RAB11FIP3: variants seen among roughly 807,000 people sequenced by gnomAD.
RAB11FIP3 encodes the protein rab11 family-interacting protein 3.
RAB11FIP3 carries 17 observed loss-of-function variants against 77.8 expected under a neutral mutation model. That is an observed-to-expected ratio of 0.22 (90% CI 0.15 to 0.33). The LOEUF (loss-of-function observed/expected upper bound fraction) is 0.33. RAB11FIP3 is among the 10% of genes least tolerant of loss of function. The probability of loss-of-function intolerance (pLI) is 1.00; values close to 1 mark genes in which losing one functional copy is unlikely to be tolerated. For synonymous variants in RAB11FIP3, 437 were observed against 448.2 expected (o/e 0.98, Z 0.31); for missense variants, 1,005 against 1,011.2 (o/e 0.99, Z 0.08).
At chr16:491,200 C>G (rs1370606332) in intron 5 of RAB11FIP3, 1 of 1,304,764 alleles carries the variant, frequency 7.7e-7, no homozygotes, top group Non-Finnish European at 1.0e-6. Flanking sequence ...TTTACTGTAG[C>G]CAGTGCCACA....
intron 4 of RAB11FIP3, among the ~76,000 whole-genome samples, chr16:483,858 A>AGTCAGAAGATCT (rs753141124): frequency 1.3e-5 from 2 of 152,068 alleles, no homozygotes; most frequent in Non-Finnish European, 2.9e-5. Context: ...AACAACTGCC[A>AGTCAGAAGATCT]GTCAGAAGAT....
chr16:472,881 C>T lies in RAB11FIP3; in HGVS notation c.903+1492C>T, dbSNP rs2055833414. On this transcript the variant is annotated intron_variant, in intron 3 of 13. Transcript: ENST00000262305. This position sits in a 1 kb window ranked among gnomAD's most constrained non-coding sequence, Gnocchi z 4.1. ...CTGGTTTGGGCCCTAAATCCAGTGA[C>T]AGGTGTCCCTGGAAGACGGGAGAGA... 6.6e-6 allele frequency among the ~76,000 whole-genome samples: 1 copy of T among 152,122 alleles called. No individual in the cohort carries two copies. Among genetic ancestry groups the T allele is most frequent in the Non-Finnish European group, 1.5e-5 (1 of 68,026 alleles).
At chr16:508,415 C>T (rs2031977550) in intron 8 of RAB11FIP3, among the ~76,000 whole-genome samples, 1 of 152,172 alleles carries the variant, frequency 6.6e-6, no homozygotes, top group Non-Finnish European at 1.5e-5. Context: ...GCTGTGTCAC[C>T]CAGGCTGGAG....
intron 5 of RAB11FIP3, among the ~76,000 whole-genome samples, chr16:494,925 C>CAGAGG (rs2030975575): frequency 2.7e-5 from 4 of 146,426 alleles, no homozygotes; most frequent in African/African-American, 7.8e-5. Context: ...GTCGAGGCTG[C>CAGAGG]TGAGGTGGGA....
At chr16:450,783 T>A (rs2055394302) in intron 1 of RAB11FIP3, among the ~76,000 whole-genome samples, 1 of 152,044 alleles carries the variant, frequency 6.6e-6, no homozygotes, top group African/African-American at 2.4e-5. Context: ...AGAAGCGCCA[T>A]AAAGGGAGTC....
Position 505,659 on chromosome 16 carries a change from C to G in RAB11FIP3, c.1499+32C>G. On this transcript the variant is annotated intron_variant, in intron 8 of 13. Coordinates refer to ENST00000262305, the MANE Select transcript of RAB11FIP3 (RefSeq NM_014700.4). The surrounding 1 kb of genome is among the most constrained non-coding windows in gnomAD (Gnocchi z 4.0). ...CTGGGCCAGGAGACCCGGGCCTCTGCGTGGCGCCTCCTGTGCCCGCCTGTC... is the reference window on the plus strand; with the variant it reads ...CTGGGCCAGGAGACCCGGGCCTCTGGGTGGCGCCTCCTGTGCCCGCCTGTC... 6.6e-7 allele frequency: 1 copy of G among 1,520,560 alleles called. No individual in the cohort carries two copies. The highest frequency in any genetic ancestry group is 8.9e-7 in the Non-Finnish European group (1 of 1,127,722). 94.2% of individuals were successfully genotyped at this position (1,520,560 alleles called of 1,614,324 possible).
chr16:497,918 C>T (rs983186116), intron 6 of RAB11FIP3, among the ~76,000 whole-genome samples: 3 of 131,372 alleles, frequency 2.3e-5, no homozygotes, highest in Admixed American at 8.6e-5. Context: ...GCCTGAGCAA[C>T]TTAGTGAAAC....
chr16:434,320 G>A (rs1031810422), intron 1 of RAB11FIP3, among the ~76,000 whole-genome samples: 3 of 152,086 alleles, frequency 2.0e-5, no homozygotes, highest in Admixed American at 1.3e-4. Context: ...GCGGGGTTTC[G>A]CCATGTTAGC....
In RAB11FIP3 at chr16:460,500, A is replaced by C. The variant is rs541299635; in HGVS notation, c.715-904A>C. Among the ~76,000 whole-genome samples the C allele has an allele frequency of 1.1e-4, 16 of 152,100 alleles. No individual in the cohort carries two copies. The East Asian group carries it at 3.1e-3, about 29-fold the overall frequency. On this transcript the variant is annotated intron_variant, in intron 1 of 13. Transcript: ENST00000262305. ...CCTGAAAATTTTTAAATTTTTATGA[A>C]ATCCAATTTACACTTGGCAGAATAA...
intron 5 of RAB11FIP3, among the ~76,000 whole-genome samples, chr16:496,618 G>A (rs181848911): frequency 1.3e-3 from 194 of 152,344 alleles, no homozygotes; most frequent in Non-Finnish European, 1.9e-3. Context: ...GTAACGAGAC[G>A]TATGCGGCCT....
intron 1 of RAB11FIP3, among the ~76,000 whole-genome samples, chr16:448,043 C>T (rs1053914604): frequency 7.9e-5 from 12 of 152,230 alleles, no homozygotes; most frequent in East Asian, 1.9e-4. Flanking sequence ...ATTGTCCAGG[C>T]GCAGTGGCTC....
chr16:434,144 CAG>C (rs1314663226), intron 1 of RAB11FIP3, among the ~76,000 whole-genome samples: 1 of 152,110 alleles, frequency 6.6e-6, no homozygotes, highest in Non-Finnish European at 1.5e-5. Context: ...TTTTTTGAGA[CAG>C]AGTTCACTAT....
At chr16:473,610 A>AT (rs5815048) in intron 3 of RAB11FIP3, among the ~76,000 whole-genome samples, 8 of 150,640 alleles carry the variant, frequency 5.3e-5, no homozygotes, top group Admixed American at 2.0e-4. Flanking sequence ...GATTTTTTGT[A>AT]TTTTTTTTTT....
intron 2 of RAB11FIP3, among the ~76,000 whole-genome samples, chr16:467,990 CAGGGAGGAGGTGCAGG>C (rs2055738152): frequency 1.2e-5 from 1 of 84,672 alleles, no homozygotes. Context: ...GCTGGGGCCT[CAGGGAGGAGGTGCAGG>C]GGCGTTGGAG....
At position 510,728 on chromosome 16, in the gene RAB11FIP3, C is replaced by T; in HGVS notation, c.1568C>T (p.Thr523Ile). ...LRACEMVLEE[T>I]RRQKELLCKM... ...GCCTGCGAGATGGTCCTGGAAGAGA[C>T]CCGGCGTCAGAAGGAGCTCCTGTGC... The change falls in exon 9 of 14, where the codon ACC becomes ATC. Residue 523 changes from threonine to isoleucine, a missense_variant. Around this residue, in one of 4 missense-constraint regions of RAB11FIP3, gnomAD observed 433 missense variants for 436.1 expected, o/e 0.99. Transcript: ENST00000262305. The T allele has an allele frequency of 1.2e-6, 2 of 1,613,208 alleles. No homozygotes were observed. The highest frequency in any genetic ancestry group is 8.5e-7 in the Non-Finnish European group (1 of 1,179,832).
chr16:461,412 C>T lies in RAB11FIP3; in HGVS notation c.723C>T (p.Asp241=), dbSNP rs369261042. 2.8e-5 allele frequency: 45 copies of T among 1,613,570 alleles called. 1 individual carries two copies. Among genetic ancestry groups the T allele is most frequent in the Admixed American group, 2.3e-4 (14 of 59,944 alleles). ...ATVYGAEQVK[D]LTKYLDPSGL... ...TCATTTGGCAATTACAGGTGAAGGACTTAACTAAGTACTTGGATCCCAGTG... is the reference window on the plus strand; with the variant it reads ...TCATTTGGCAATTACAGGTGAAGGATTTAACTAAGTACTTGGATCCCAGTG... The change falls in exon 2 of 14, where the codon GAC becomes GAT. Residue 241 remains aspartate (D), a synonymous_variant. Coordinates refer to ENST00000262305, the MANE Select transcript of RAB11FIP3 (RefSeq NM_014700.4). The surrounding 1 kb of genome is among the most constrained non-coding windows in gnomAD (Gnocchi z 4.5).
chr16:475,481 G>A lies in RAB11FIP3; in HGVS notation c.903+4092G>A, dbSNP rs114896305. 6.1e-3 allele frequency among the ~76,000 whole-genome samples: 932 copies of A among 152,300 alleles called. 10 individuals are homozygous for A. Among genetic ancestry groups the A allele is most frequent in the African/African-American group, 0.021 (877 of 41,586 alleles). On this transcript the variant is annotated intron_variant, in intron 3 of 13. Coordinates refer to ENST00000262305, the MANE Select transcript of RAB11FIP3 (RefSeq NM_014700.4). The stretch of plus-strand genomic sequence containing the variant: ...GTTACTGCATTTTATCCAGGAGGCC[G>A]GGAGTGAGCAGGCACCGTGCTCTGA...
chr16:500,411 G>C (rs549785773), intron 6 of RAB11FIP3, among the ~76,000 whole-genome samples: 6 of 151,990 alleles, frequency 3.9e-5, no homozygotes, highest in Non-Finnish European at 8.8e-5. Context: ...AGCCGGACGC[G>C]GTGGTTCACG....
intron 8 of RAB11FIP3, 114 bp from the exon 9 acceptor site, chr16:510,546 C>G: frequency 8.0e-7 from 1 of 1,244,010 alleles, no homozygotes; most frequent in Non-Finnish European, 1.1e-6. Context: ...TCTCGGTGCC[C>G]TACTCCCGAG....
Sources: allele counts gnomAD v4.1 joint callset (sites outside exome capture counted in the v4.1 genomes callset), GRCh38; gene constraint gnomAD v4.1.1; regional missense constraint gnomAD v4.1.1; non-coding constraint Gnocchi (gnomAD v3.1); transcripts MANE v1.5; gene names NCBI Gene and HGNC (gene_info 2026-07-23, HGNC 2026-07-21).